INSR: variants seen among roughly 807,000 people sequenced by gnomAD.
The protein encoded by INSR is insulin receptor.
INSR carries 67 observed loss-of-function variants against 142.6 expected under a neutral mutation model. That is an observed-to-expected ratio of 0.47 (90% CI 0.39 to 0.58). The LOEUF (loss-of-function observed/expected upper bound fraction) is 0.58. INSR is among the 20% of genes least tolerant of loss of function. INSR has a pLI of 0.00. For synonymous variants in INSR, 756 were observed against 743.1 expected (o/e 1.02, Z -0.28); for missense variants, 1,248 against 1,833.2 (o/e 0.68, Z 5.83).
intron 2 of INSR, among the ~76,000 whole-genome samples, chr19:7,247,098 A>G (rs1344136430): frequency 6.6e-6 from 1 of 152,220 alleles, no homozygotes; most frequent in Non-Finnish European, 1.5e-5. Flanking sequence ...GCCCCAGTTA[A>G]CACACTGCCC....
intron 4 of INSR, among the ~76,000 whole-genome samples, chr19:7,172,875 C>T (rs1403323059): frequency 2.0e-5 from 1 of 49,252 alleles, no homozygotes; most frequent in Non-Finnish European, 3.6e-5. Context: ...TCTACTAAAA[C>T]TACAAAAAAA....
rs113225426 is a variant in INSR, at chr19:7,128,187, T to C, written c.2945+665A>G. 2.1e-3 allele frequency among the ~76,000 whole-genome samples: 313 copies of C among 151,908 alleles called. 1 individual carries two copies. The highest frequency in any genetic ancestry group is 7.3e-3 in the African/African-American group (304 of 41,432). ...ACGTCACTCATATCACTGATGAACA[T>C]ATATGTCTTATTTCAGTTTTGTCCT... On this transcript the variant is annotated intron_variant, in intron 15 of 21. Transcript: ENST00000302850.
rs569659502 is a variant in INSR at position 7,151,162 on chromosome 19, C to T, written c.2232-630G>A. 7.5e-3 allele frequency among the ~76,000 whole-genome samples: 346 copies of T among 45,864 alleles called. 4 individuals carry two copies. Among genetic ancestry groups the T allele is most frequent in the African/African-American group, 0.016 (320 of 19,964 alleles). 30.1% of individuals were successfully genotyped at this position (45,864 alleles called of 152,430 possible). A position where few individuals can be genotyped will look rare whatever the true frequency, so the allele number is the denominator to read the frequency against. On this transcript the variant is annotated intron_variant, in intron 10 of 21. Transcript: ENST00000302850. The stretch of plus-strand genomic sequence containing the variant: ...CTTTCTCTCTTTCCTTTCTTTCTTT[C>T]TCTTTCTTTCTTTCTTTCTTTCTTT...
chr19:7,117,206 C>G lies in INSR; in HGVS notation c.3999G>C (p.Ser1333=). The G allele has an allele frequency of 1.2e-6, 2 of 1,614,132 alleles. No individual in the cohort carries two copies. The highest frequency in any genetic ancestry group is 4.5e-5 in the East Asian group (2 of 44,884). ...DMENVPLDRS[S]HCQREEAGGR... is the part of the protein sequence containing the mutation. ...CCCCCGCCTCCTCCCTCTGACAGTG[C>G]GAGGAACGGTCCAGGGGCACATTCT... Residue 1333 remains serine (S), a synonymous_variant, in exon 22 of 22, where the codon TCG becomes TCC. Transcript: ENST00000302850.
At chr19:7,129,948 A>C (rs1972736529) in intron 14 of INSR, among the ~76,000 whole-genome samples, 1 of 152,148 alleles carries the variant, frequency 6.6e-6, no homozygotes, top group Non-Finnish European at 1.5e-5. Context: ...TATGTTGCTC[A>C]GGCTGGTCTC....
chr19:7,277,846 C>T (rs1039484891), intron 1 of INSR, among the ~76,000 whole-genome samples: 3 of 150,670 alleles, frequency 2.0e-5, no homozygotes, highest in African/African-American at 7.3e-5. Context: ...AATCCCAGCA[C>T]TTCAGGAGGC....
chr19:7,197,292 G>A (rs1289403169), intron 2 of INSR, among the ~76,000 whole-genome samples: 1 of 152,202 alleles, frequency 6.6e-6, no homozygotes, highest in Non-Finnish European at 1.5e-5. Flanking sequence ...TCCCGCTTCG[G>A]GAGCCGCAGG....
intron 16 of INSR, 100 bp downstream of exon 16, chr19:7,126,484 C>A: frequency 9.1e-7 from 1 of 1,097,028 alleles, no homozygotes; most frequent in Non-Finnish European, 1.4e-6. Flanking sequence ...CTTTTCTTGG[C>A]CTCCCTGGGG....
Position 7,125,954 on chromosome 19 carries a change from T to C in INSR, c.3014-427A>G, listed in dbSNP as rs1972635881. Among the ~76,000 whole-genome samples, 1 of 152,152 alleles carries C rather than the reference T, an allele frequency of 6.6e-6. No individual in the cohort carries two copies. The highest frequency in any genetic ancestry group is 2.4e-5 in the African/African-American group (1 of 41,448). On this transcript the variant is annotated intron_variant, in intron 16 of 21. Transcript: ENST00000302850. The surrounding 1 kb of genome is among the most constrained non-coding windows in gnomAD (Gnocchi z 4.9). ...GCTCTTCCCATGAAAAGGTGGAGTCTATCTCACCACCCCTTGGCCCTGGGC... is the reference window on the plus strand; with the variant it reads ...GCTCTTCCCATGAAAAGGTGGAGTCCATCTCACCACCCCTTGGCCCTGGGC...
intron 3 of INSR, among the ~76,000 whole-genome samples, chr19:7,179,236 C>A (rs1325690104): frequency 1.3e-5 from 2 of 152,150 alleles, no homozygotes; most frequent in African/African-American, 4.8e-5. Context: ...TCTGTGAGTT[C>A]CTTCTAGTAA....
At chr19:7,161,441 G>T (rs972972678) in intron 9 of INSR, among the ~76,000 whole-genome samples, 1 of 151,900 alleles carries the variant, frequency 6.6e-6, no homozygotes, top group Non-Finnish European at 1.5e-5. Flanking sequence ...TTAGAGATGG[G>T]ATCTTGCTAT....
Position 7,251,937 on chromosome 19 carries a change from A to T in INSR, c.652+15408T>A, listed in dbSNP as rs139693642. ...GATTCCATTAATTAAATATAGAATT[A>T]CCAACTGACCCAGCGATTCCACTCC... is the stretch of plus-strand genomic sequence containing the variant. On this transcript the variant is annotated intron_variant, in intron 2 of 21. Coordinates refer to ENST00000302850, the MANE Select transcript of INSR (RefSeq NM_000208.4). Among the ~76,000 whole-genome samples, 326 of 152,288 alleles carry T rather than the reference A, an allele frequency of 2.1e-3. 4 individuals are homozygous for T. Among genetic ancestry groups the T allele is most frequent in the Non-Finnish European group, 3.7e-3 (254 of 68,038 alleles).
intron 4 of INSR, among the ~76,000 whole-genome samples, chr19:7,173,715 G>A (rs10411191): frequency 0.028 from 4,075 of 146,326 alleles, 176 homozygotes; most frequent in African/African-American, 0.097. Context: ...CACTTCCTGA[G>A]TTCAAACGAT....
At chr19:7,155,482 G>C (rs986598144) in intron 9 of INSR, among the ~76,000 whole-genome samples, 1 of 149,730 alleles carries the variant, frequency 6.7e-6, no homozygotes, top group Non-Finnish European at 1.5e-5. Flanking sequence ...AGGTTGCATT[G>C]AGCCAAGATT....
chr19:7,132,652 C>T lies in INSR; in HGVS notation c.2683-335G>A, dbSNP rs190633402. ...TGTTGCCCAGGCTGGAGCGCAATGG[C>T]TTAATCTCGGCTCACTGCAACCTCT... On this transcript the variant is annotated intron_variant, in intron 13 of 21. Coordinates refer to ENST00000302850, the MANE Select transcript of INSR (RefSeq NM_000208.4). Among the ~76,000 whole-genome samples the T allele has an allele frequency of 5.2e-3, 777 of 150,508 alleles. 7 individuals carry two copies. The highest frequency in any genetic ancestry group is 0.018 in the African/African-American group (728 of 40,864).
intron 10 of INSR, among the ~76,000 whole-genome samples, chr19:7,151,019 TTC>T (rs1356369931): frequency 1.3e-5 from 2 of 150,232 alleles, no homozygotes; most frequent in Non-Finnish European, 3.0e-5. Flanking sequence ...TTTGCTTTCT[TTC>T]TCTTTCCTTC....
intron 2 of INSR, among the ~76,000 whole-genome samples, chr19:7,265,659 CG>C (rs1375759382): frequency 1.3e-5 from 2 of 150,948 alleles, no homozygotes; most frequent in East Asian, 3.9e-4. Flanking sequence ...CGCTTGAACC[CG>C]GGAGGCAGAG....
At chr19:7,176,994 C>T (rs1974149225) in intron 3 of INSR, among the ~76,000 whole-genome samples, 1 of 152,184 alleles carries the variant, frequency 6.6e-6, no homozygotes, top group Admixed American at 6.6e-5. Flanking sequence ...ACGGCTGTAA[C>T]ATGACCCCAT....
intron 11 of INSR, among the ~76,000 whole-genome samples, chr19:7,143,637 A>G (rs1273607880): frequency 6.6e-6 from 1 of 152,260 alleles, no homozygotes; most frequent in Non-Finnish European, 1.5e-5. Flanking sequence ...CACTCAGGTC[A>G]GGAAGATTAA....
Sources: allele counts gnomAD v4.1 joint callset (sites outside exome capture counted in the v4.1 genomes callset), GRCh38; gene constraint gnomAD v4.1.1; non-coding constraint Gnocchi (gnomAD v3.1); transcripts MANE v1.5; gene names NCBI Gene and HGNC (gene_info 2026-07-23, HGNC 2026-07-21).